The following VCL variants were observed in gnomAD, a reference collection of about 807,000 sequenced individuals.
VCL encodes vinculin, also known as epididymis luminal protein 114.
Under a neutral mutation model 125.7 loss-of-function variants are expected in VCL, and 47 were observed. The observed-to-expected ratio is 0.37, with a 90% CI of 0.30 to 0.48. The LOEUF (loss-of-function observed/expected upper bound fraction) is 0.48, where lower values mean the gene tolerates loss of function less well. Among genes scored for constraint, VCL ranks in the 20% least tolerant of loss-of-function variants. VCL has a pLI of 0.99. For synonymous variants in VCL, 458 were observed against 514.6 expected (o/e 0.89, Z 1.49); for missense variants, 1,069 against 1,455.5 (o/e 0.73, Z 4.32).
At chr10:74,117,682 A>C (rs1271845438) in intron 21 of VCL, among the ~76,000 whole-genome samples, 2 of 152,186 alleles carry the variant, frequency 1.3e-5, no homozygotes, top group Admixed American at 1.3e-4. Context: ...AATCCTCACC[A>C]AGGTGACAAG....
intron 2 of VCL, among the ~76,000 whole-genome samples, chr10:74,064,063 A>G (rs932313803): frequency 6.6e-6 from 1 of 152,054 alleles, no homozygotes; most frequent in African/African-American, 2.4e-5. Flanking sequence ...GTATACCCAC[A>G]CTTCTGTCTG....
intron 14 of VCL, among the ~76,000 whole-genome samples, chr10:74,103,313 A>G (rs1219436180): frequency 6.6e-6 from 1 of 152,130 alleles, no homozygotes; most frequent in Non-Finnish European, 1.5e-5. Flanking sequence ...TTTTCCCCAA[A>G]TGCTGTAACT....
chr10:74,113,580 T>G (rs938404970), intron 19 of VCL, among the ~76,000 whole-genome samples: 6 of 44,192 alleles, frequency 1.4e-4, no homozygotes, highest in African/African-American at 2.8e-4. Flanking sequence ...GAAAATATCT[T>G]TTTTTTTTTT....
intron 7 of VCL, 80 bp downstream of exon 7, chr10:74,082,624 T>A (rs1180576859): frequency 2.1e-6 from 3 of 1,432,962 alleles, no homozygotes. Flanking sequence ...AATTTTCCCA[T>A]AATCTCATCA....
At position 74,097,210 on chromosome 10, in the gene VCL, A is replaced by C. The variant is rs1367547253; in HGVS notation, c.1750A>C (p.Lys584Gln). The change falls in exon 13 of 22, where the codon AAA becomes CAA. Residue 584 changes from lysine to glutamine, a missense_variant. By Grantham distance (53) the Lys-to-Gln change is moderately conservative (BLOSUM62 1). This residue lies in a region of VCL where 760 missense variants were observed against 928.9 expected (regional missense o/e 0.82). Coordinates refer to ENST00000211998, the MANE Select transcript of VCL (RefSeq NM_014000.3). This position sits in a 1 kb window ranked among gnomAD's most constrained non-coding sequence, Gnocchi z 4.1. Reference sequence around the variant, plus strand: ...TGTAAACAATGTTTTTAAGGATCTAAAAGCTCGGATGCAGGAGGCCATGAC... The same window carrying C: ...TGTAAACAATGTTTTTAAGGATCTACAAGCTCGGATGCAGGAGGCCATGAC... Reference protein sequence around the residue: ...SQLQDSLKDLKARMQEAMTQE... With the variant: ...SQLQDSLKDLQARMQEAMTQE... 1 of 1,613,922 alleles carries C rather than the reference A, an allele frequency of 6.2e-7. No homozygotes were observed. Among genetic ancestry groups the C allele is most frequent in the Admixed American group, 1.7e-5 (1 of 60,032 alleles).
At chr10:74,088,148 G>A (rs992629954) in intron 8 of VCL, among the ~76,000 whole-genome samples, 2 of 152,194 alleles carry the variant, frequency 1.3e-5, no homozygotes, top group Non-Finnish European at 2.9e-5. Context: ...AAATGGTAAA[G>A]TTACTGCCCC....
chr10:74,114,439 G>A (rs71528504), intron 20 of VCL, 52 bp downstream of exon 20: 566 of 1,204,854 alleles, frequency 4.7e-4, no homozygotes, highest in Middle Eastern at 6.0e-4. Context: ...GTGTGTGTGC[G>A]TGTGTGTGTG....
At chr10:74,003,392 A>C (rs1840266083) in intron 1 of VCL, among the ~76,000 whole-genome samples, 1 of 152,198 alleles carries the variant, frequency 6.6e-6, no homozygotes, top group African/African-American at 2.4e-5. Context: ...AAAAAGTCAC[A>C]AGTCTTAGAC....
At chr10:74,046,207 A>G (rs1471361462) in intron 2 of VCL, among the ~76,000 whole-genome samples, 1 of 152,156 alleles carries the variant, frequency 6.6e-6, no homozygotes, top group East Asian at 1.9e-4. Context: ...GCTCTGATCA[A>G]CATGAGCCTA....
chr10:74,107,250 G>A lies in VCL; in HGVS notation c.2455G>A (p.Asp819Asn), dbSNP rs1245049090. The change falls in exon 17 of 22, where the codon GAC (aspartate) becomes AAC (asparagine). Residue 819 changes from aspartate (D) to asparagine (N), a missense_variant. This residue lies in a region of VCL where 760 missense variants were observed against 928.9 expected (regional missense o/e 0.82). Transcript: ENST00000211998. ...SDPGLQKSFLDSGYRILGAVA... is the reference protein window; with the variant it reads ...SDPGLQKSFLNSGYRILGAVA... ...TTTAGGACTGCAAAAGAGCTTCCTGGACTCAGGATATCGGATCCTGGGAGC... is the reference window on the plus strand; with the variant it reads ...TTTAGGACTGCAAAAGAGCTTCCTGAACTCAGGATATCGGATCCTGGGAGC... The A allele has an allele frequency of 1.2e-5, 20 of 1,614,080 alleles. No homozygotes were observed. Among genetic ancestry groups the A allele is most frequent in the Non-Finnish European group, 1.7e-5 (20 of 1,180,044 alleles).
At chr10:74,081,880 G>A (rs1446660626) in intron 6 of VCL, among the ~76,000 whole-genome samples, 1 of 152,064 alleles carries the variant, frequency 6.6e-6, no homozygotes, top group Non-Finnish European at 1.5e-5. Context: ...TTACTTTGAG[G>A]GGTTTATTTG....
At chr10:74,029,605 G>A (rs560001413) in intron 1 of VCL, among the ~76,000 whole-genome samples, 2 of 152,284 alleles carry the variant, frequency 1.3e-5, no homozygotes, top group South Asian at 4.1e-4. Flanking sequence ...TGGTTCTAAG[G>A]AAACTATGTG....
downstream of VCL, chr10:74,120,895 C>CA (rs1012275294): frequency 7.9e-5 from 12 of 152,276 alleles, no homozygotes; most frequent in African/African-American, 2.6e-4. Flanking sequence ...GGCTATAAAA[C>CA]AGAGTTAGCT....
At chr10:74,113,176 T>G (rs1840256627) in intron 19 of VCL, among the ~76,000 whole-genome samples, 1 of 152,206 alleles carries the variant, frequency 6.6e-6, no homozygotes, top group African/African-American at 2.4e-5. Flanking sequence ...GCCTGGACTT[T>G]TAGCTAGTTT....
At chr10:74,053,730 C>T (rs972707411) in intron 2 of VCL, among the ~76,000 whole-genome samples, 1 of 152,066 alleles carries the variant, frequency 6.6e-6, no homozygotes, top group Non-Finnish European at 1.5e-5. Context: ...CCTGCCTCAG[C>T]CTCCCAAGTG....
chr10:74,094,082 A>AC (rs1235875896), intron 10 of VCL, among the ~76,000 whole-genome samples, 189 bp from the exon 11 acceptor site: 2 of 152,272 alleles, frequency 1.3e-5, no homozygotes, highest in African/African-American at 4.8e-5. Flanking sequence ...CTTAACTAGG[A>AC]CAAAATAATC....
At chr10:74,065,230 A>G (rs1210938878) in intron 2 of VCL, among the ~76,000 whole-genome samples, 1 of 149,114 alleles carries the variant, frequency 6.7e-6, no homozygotes, top group Non-Finnish European at 1.5e-5. Flanking sequence ...TCCGCCTCCC[A>G]GGTTCAAGCA....
chr10:74,087,429 T>C (rs1295540341), intron 8 of VCL, among the ~76,000 whole-genome samples: 1 of 147,094 alleles, frequency 6.8e-6, no homozygotes, highest in Non-Finnish European at 1.5e-5. Context: ...CACTGCAAGC[T>C]CTGCCTCCCG....
intron 2 of VCL, 82 bp from the exon 3 acceptor site, chr10:74,070,588 A>G: frequency 6.3e-7 from 1 of 1,584,006 alleles, no homozygotes; most frequent in Non-Finnish European, 8.6e-7. Context: ...GTGAATTTAC[A>G]TGCATATTCT....
Sources: gnomAD v4.1 joint callset for allele counts (sites outside exome capture counted in the v4.1 genomes callset) on GRCh38, gnomAD v4.1.1 for gene constraint, gnomAD v4.1.1 regional missense constraint, Gnocchi (gnomAD v3.1) non-coding constraint, MANE v1.5 for transcripts, NCBI Gene and HGNC (gene_info 2026-07-23, HGNC 2026-07-21) for gene names.